The following NEGR1 variants were observed in gnomAD, a reference collection of about 807,000 sequenced individuals.
The protein encoded by NEGR1 is neuronal growth regulator 1, also known as IgLON family member 4.
In NEGR1, 10 loss-of-function variants were observed where a neutral mutation model predicts 40.9. The ratio of observed to expected loss-of-function variants is 0.24; its 90% CI spans 0.15 to 0.42. NEGR1 has a LOEUF of 0.42. Ranked by LOEUF, NEGR1 falls within the 10% of genes least tolerant of loss-of-function variation. The pLI is 1.00. For missense variants in NEGR1, 352 were observed against 438.9 expected, an observed-to-expected ratio of 0.80 and a Z score of 1.77; for synonymous variants, 185 against 166.8, an observed-to-expected ratio of 1.11 and a Z score of -0.84.
intron 5 of NEGR1, among the ~76,000 whole-genome samples, chr1:71,601,642 G>C (rs1236843442): frequency 6.6e-6 from 1 of 152,154 alleles, no homozygotes; most frequent in Non-Finnish European, 1.5e-5. Flanking sequence ...AAAGAATAAA[G>C]TCATGTCCTT....
intron 6 of NEGR1, among the ~76,000 whole-genome samples, chr1:71,417,146 T>A (rs1251469222): frequency 1.3e-5 from 2 of 152,240 alleles, no homozygotes; most frequent in Non-Finnish European, 1.5e-5. Context: ...AGCTTTTGCC[T>A]ATACTTCATC....
chr1:71,480,342 A>G (rs1358070007), intron 6 of NEGR1, among the ~76,000 whole-genome samples: 1 of 151,872 alleles, frequency 6.6e-6, no homozygotes, highest in Non-Finnish European at 1.5e-5. Context: ...AGTAACTAAT[A>G]AGGAAAATTG....
At chr1:71,596,155 T>C (rs535849778) in intron 5 of NEGR1, among the ~76,000 whole-genome samples, 1 of 152,172 alleles carries the variant, frequency 6.6e-6, no homozygotes, top group East Asian at 1.9e-4. Context: ...TGGAAATACC[T>C]GGTCATTTTT....
At chr1:72,033,884 G>A (rs746737090) in intron 1 of NEGR1, among the ~76,000 whole-genome samples, 12 of 152,032 alleles carry the variant, frequency 7.9e-5, no homozygotes, top group African/African-American at 2.2e-4. Flanking sequence ...AAAGCCACTC[G>A]GACTCAAACT....
At chr1:72,146,813 A>G (rs967544395) in intron 1 of NEGR1, among the ~76,000 whole-genome samples, 1 of 152,210 alleles carries the variant, frequency 6.6e-6, no homozygotes, top group Admixed American at 6.5e-5. Context: ...TTAACACCTC[A>G]GTAGGTTGCC....
At chr1:71,569,118 A>C (rs984855606) in intron 6 of NEGR1, among the ~76,000 whole-genome samples, 1 of 151,922 alleles carries the variant, frequency 6.6e-6, no homozygotes, top group Non-Finnish European at 1.5e-5. Flanking sequence ...GGGTTTCACC[A>C]TGTTAGCCAA....
chr1:71,678,644 G>A (rs1392732877), intron 4 of NEGR1, among the ~76,000 whole-genome samples: 3 of 151,954 alleles, frequency 2.0e-5, no homozygotes, highest in Admixed American at 6.6e-5. Context: ...ACTATAAACA[G>A]GCTATCAGGA....
At chr1:71,692,858 C>T (rs1304482974) in intron 4 of NEGR1, among the ~76,000 whole-genome samples, 1 of 151,770 alleles carries the variant, frequency 6.6e-6, no homozygotes, top group African/African-American at 2.4e-5. Context: ...AATGACTTTC[C>T]TATTTATTTG....
intron 1 of NEGR1, among the ~76,000 whole-genome samples, chr1:72,187,385 T>G (rs1290347647): frequency 6.6e-6 from 1 of 151,478 alleles, no homozygotes; most frequent in Non-Finnish European, 1.5e-5. Flanking sequence ...TCAAAATATG[T>G]TTAGTATTAA....
chr1:72,185,909 A>G (rs1265533379), intron 1 of NEGR1, among the ~76,000 whole-genome samples: 1 of 151,804 alleles, frequency 6.6e-6, no homozygotes, highest in East Asian at 1.9e-4. Flanking sequence ...ATATTCACCC[A>G]TATAGGGGAA....
At chr1:71,817,729 T>G (rs487563) in intron 2 of NEGR1, among the ~76,000 whole-genome samples, 3,631 of 152,112 alleles carry the variant, frequency 0.024, 70 homozygotes, top group South Asian at 0.064. Flanking sequence ...GATGTAGTGA[T>G]AGAAACAGCA....
At chr1:71,949,429 C>A (rs1343066149) in intron 1 of NEGR1, among the ~76,000 whole-genome samples, 1 of 152,088 alleles carries the variant, frequency 6.6e-6, no homozygotes, top group Non-Finnish European at 1.5e-5. Flanking sequence ...AAGACTCTGG[C>A]TTATTTTTCA....
rs371906530 is a variant in NEGR1 at position 71,577,365 on chromosome 1, G to A, written c.940+15452C>T. On this transcript the variant is annotated intron_variant, in intron 6 of 6. Coordinates refer to ENST00000357731, the MANE Select transcript of NEGR1 (RefSeq NM_173808.3). ...CACGCTATAATTTTATAGCTTTAAG[G>A]GATCACCTAGGAAGAAGCCTATAAC... 1.1e-4 allele frequency among the ~76,000 whole-genome samples: 16 copies of A among 152,140 alleles called. No individual in the cohort carries two copies. The South Asian group carries it at 3.1e-3, about 30-fold the overall frequency.
At chr1:72,011,961 A>G (rs1228718673) in intron 1 of NEGR1, among the ~76,000 whole-genome samples, 1 of 152,140 alleles carries the variant, frequency 6.6e-6, no homozygotes, top group East Asian at 1.9e-4. Flanking sequence ...AAGGCTGTGA[A>G]GAGTCTTACG....
intron 2 of NEGR1, among the ~76,000 whole-genome samples, chr1:71,909,756 G>C (rs1314878337): frequency 6.6e-6 from 1 of 152,010 alleles, no homozygotes. Context: ...GGCCAGATTT[G>C]GAAAATAAAT....
intron 2 of NEGR1, among the ~76,000 whole-genome samples, chr1:71,900,985 C>T (rs76792448): frequency 0.031 from 4,697 of 152,176 alleles, 231 homozygotes; most frequent in African/African-American, 0.11. Context: ...CAAAATATTT[C>T]CTGTTTAATC....
chr1:71,563,735 G>A (rs1371757387), intron 6 of NEGR1, among the ~76,000 whole-genome samples: 1 of 151,922 alleles, frequency 6.6e-6, no homozygotes, highest in Admixed American at 6.6e-5. Flanking sequence ...TGCCTTTCTA[G>A]TGTAAAAGAG....
At chr1:72,164,029 A>T (rs1404999242) in intron 1 of NEGR1, among the ~76,000 whole-genome samples, 2 of 150,826 alleles carry the variant, frequency 1.3e-5, no homozygotes, top group Admixed American at 6.6e-5. Flanking sequence ...TTTTTTTTTT[A>T]AAGTAAAGTA....
At chr1:71,423,716 T>G (rs1038423973) in intron 6 of NEGR1, among the ~76,000 whole-genome samples, 4 of 152,104 alleles carry the variant, frequency 2.6e-5, no homozygotes, top group Non-Finnish European at 5.9e-5. Flanking sequence ...ACATTATAAT[T>G]ATCAAACTTT....
Sources: allele counts gnomAD v4.1 joint callset (sites outside exome capture counted in the v4.1 genomes callset), GRCh38; gene constraint gnomAD v4.1.1; transcripts MANE v1.5; gene names NCBI Gene and HGNC (gene_info 2026-07-23, HGNC 2026-07-21).